TCF7L1: variants seen among roughly 807,000 people sequenced by gnomAD.
The protein encoded by TCF7L1 is transcription factor 7 like 1, also known as transcription factor 7-like 1.
Under a neutral mutation model 63.7 loss-of-function variants are expected in TCF7L1, and 18 were observed. That is an observed-to-expected ratio of 0.28 (90% CI 0.20 to 0.42). The LOEUF (loss-of-function observed/expected upper bound fraction) is 0.42, where lower values mean the gene tolerates loss of function less well. Among genes scored for constraint, TCF7L1 ranks in the 10% least tolerant of loss-of-function variants. TCF7L1 has a pLI of 1.00. For synonymous variants in TCF7L1, 355 were observed against 340.9 expected, an observed-to-expected ratio of 1.04 and a Z score of -0.46; for missense variants, 654 against 779.3, an observed-to-expected ratio of 0.84 and a Z score of 1.91.
At chr2:85,172,522 G>A (rs1678570554) in intron 3 of TCF7L1, among the ~76,000 whole-genome samples, 1 of 152,288 alleles carries the variant, frequency 6.6e-6, no homozygotes, top group South Asian at 2.1e-4. Context: ...TGCCTCCCAG[G>A]TTCAAGCGAT....
At chr2:85,135,270 T>C (rs1190485705) in intron 3 of TCF7L1, among the ~76,000 whole-genome samples, 1 of 152,102 alleles carries the variant, frequency 6.6e-6, no homozygotes, top group East Asian at 1.9e-4. Context: ...AGCTGGGGGC[T>C]GGCGAGGCCT....
rs1682058706 is a variant in TCF7L1, at chr2:85,304,501, C to A, written c.845+163C>A. The A allele has an allele frequency of 1.8e-5, 12 of 663,016 alleles. No individual in the cohort carries two copies. In the South Asian group the frequency reaches 2.3e-4, roughly 13 times the overall value. The allele number at this position is 663,016 out of a possible 1,614,324, so 41.1% of individuals were successfully genotyped here. A position where few individuals can be genotyped will look rare whatever the true frequency, so the allele number is the denominator to read the frequency against. On this transcript the variant is annotated intron_variant, in intron 7 of 11. Coordinates refer to ENST00000282111, the MANE Select transcript of TCF7L1 (RefSeq NM_031283.3). ...TTCTCACGTCCCGCGCTCCCCACCC[C>A]CAGGTCAGAATGGAGACCACAGGAT...
chr2:85,202,502 T>C (rs12478357), intron 3 of TCF7L1, among the ~76,000 whole-genome samples: 31,774 of 152,236 alleles, frequency 0.21, 4,152 homozygotes, highest in South Asian at 0.3. Flanking sequence ...TTAGGTGTCA[T>C]ATCTAAGCAA....
chr2:85,262,138 A>G (rs767860550), intron 3 of TCF7L1: 14 of 546,026 alleles, frequency 2.6e-5, no homozygotes, highest in African/African-American at 3.8e-5. Context: ...CTTCCGCATC[A>G]TCTAATAACA....
At chr2:85,193,658 C>T (rs2104268209) in intron 3 of TCF7L1, among the ~76,000 whole-genome samples, 1 of 152,310 alleles carries the variant, frequency 6.6e-6, no homozygotes, top group African/African-American at 2.4e-5. Context: ...TCTACCACTG[C>T]TCCACTTGAC....
intron 3 of TCF7L1, among the ~76,000 whole-genome samples, chr2:85,248,546 CACTT>C (rs1376222637): frequency 6.6e-6 from 1 of 152,162 alleles, no homozygotes; most frequent in Non-Finnish European, 1.5e-5. Flanking sequence ...CACTTATACA[CACTT>C]ACATTTGCAG....
intron 3 of TCF7L1, chr2:85,213,671 T>C (rs1679624115): frequency 6.6e-6 from 1 of 152,144 alleles, no homozygotes; most frequent in African/African-American, 2.4e-5. Context: ...GAAGTGAAAC[T>C]GTGGCAGTGC....
At chr2:85,270,090 C>T (rs2104355361) in intron 3 of TCF7L1, among the ~76,000 whole-genome samples, 1 of 152,334 alleles carries the variant, frequency 6.6e-6, no homozygotes, top group South Asian at 2.1e-4. Flanking sequence ...TTCTAAGAGA[C>T]CCTTGAAGCT....
chr2:85,242,550 A>G (rs1680359824), intron 3 of TCF7L1, among the ~76,000 whole-genome samples: 1 of 152,234 alleles, frequency 6.6e-6, no homozygotes, highest in African/African-American at 2.4e-5. Flanking sequence ...CTTCTGCTGT[A>G]GGGAGAGTCA....
chr2:85,217,259 G>A (rs2104296614), intron 3 of TCF7L1: 1 of 152,262 alleles, frequency 6.6e-6, no homozygotes, highest in South Asian at 2.1e-4. Context: ...TTACAAACAC[G>A]AGGTAGATAA....
intron 3 of TCF7L1, among the ~76,000 whole-genome samples, chr2:85,141,489 T>C (rs1404498846): frequency 6.6e-6 from 1 of 152,140 alleles, no homozygotes; most frequent in Non-Finnish European, 1.5e-5. Context: ...AGCCTCCTCC[T>C]TCTATCCCGG....
At chr2:85,269,854 G>A (rs747972253) in intron 3 of TCF7L1, among the ~76,000 whole-genome samples, 2 of 152,278 alleles carry the variant, frequency 1.3e-5, no homozygotes, top group South Asian at 2.1e-4. Context: ...ACTAGTGTAG[G>A]GTGCAGGACC....
At chr2:85,233,254 C>G (rs2104315089) in intron 3 of TCF7L1, among the ~76,000 whole-genome samples, 1 of 151,864 alleles carries the variant, frequency 6.6e-6, no homozygotes, top group Non-Finnish European at 1.5e-5. Context: ...TCTTCATTTT[C>G]TCCTGACCTG....
At chr2:85,146,314 G>A (rs1677878733) in intron 3 of TCF7L1, among the ~76,000 whole-genome samples, 2 of 152,084 alleles carry the variant, frequency 1.3e-5, no homozygotes, top group Admixed American at 1.3e-4. Context: ...CCAGCTGTGG[G>A]GGATTCTGGT....
At chr2:85,259,568 T>C (rs570682872) in intron 3 of TCF7L1, among the ~76,000 whole-genome samples, 1 of 152,346 alleles carries the variant, frequency 6.6e-6, no homozygotes, top group South Asian at 2.1e-4. Flanking sequence ...ACTTCAGCCC[T>C]GTTTACTATT....
intron 4 of TCF7L1, among the ~76,000 whole-genome samples, chr2:85,301,717 G>T (rs1374950648): frequency 6.6e-6 from 1 of 152,234 alleles, no homozygotes; most frequent in Non-Finnish European, 1.5e-5. Context: ...GCCTGAATAT[G>T]AGACTTGGTA....
intron 3 of TCF7L1, among the ~76,000 whole-genome samples, chr2:85,139,541 C>T (rs1041048890): frequency 2.6e-5 from 4 of 152,200 alleles, no homozygotes; most frequent in African/African-American, 4.8e-5. Flanking sequence ...AGAAAAATTA[C>T]TTCCTGGGTG....
intron 3 of TCF7L1, among the ~76,000 whole-genome samples, chr2:85,227,274 T>G (rs868217357): frequency 7.9e-5 from 12 of 152,126 alleles, no homozygotes; most frequent in Non-Finnish European, 1.3e-4. Flanking sequence ...TCAAACCCCC[T>G]CTGAACTCAA....
chr2:85,204,440 GA>G (rs1213434020), intron 3 of TCF7L1, among the ~76,000 whole-genome samples: 1 of 151,956 alleles, frequency 6.6e-6, no homozygotes, highest in Non-Finnish European at 1.5e-5. Context: ...ATGTTAAGAA[GA>G]AAAAAAGAAC....
Sources: gnomAD v4.1 joint callset for allele counts (sites outside exome capture counted in the v4.1 genomes callset) on GRCh38, gnomAD v4.1.1 for gene constraint, MANE v1.5 for transcripts, NCBI Gene and HGNC (gene_info 2026-07-23, HGNC 2026-07-21) for gene names.